The following CHD6 variants were observed in gnomAD, a reference collection of about 807,000 sequenced individuals.
CHD6 encodes ATP-dependent chromatin remodeler CHD6.
A neutral mutation model predicts 276.9 loss-of-function variants in CHD6; 50 were observed. That is an observed-to-expected ratio of 0.18 (90% confidence interval 0.14 to 0.23). The LOEUF (loss-of-function observed/expected upper bound fraction) is 0.23. CHD6 is among the 10% of genes least tolerant of loss of function. CHD6 has a pLI of 1.00. For missense variants in CHD6, 2,564 were observed against 3,365.8 expected, an observed-to-expected ratio of 0.76 and a Z score of 5.89; for synonymous variants, 1,173 against 1,229.3, an observed-to-expected ratio of 0.95 and a Z score of 0.96.
In CHD6 at chr20:41,404,019, TA is replaced by T; in HGVS notation, c.*573del. The T allele has an allele frequency of 9.5e-6, 10 of 1,050,424 alleles. No individual in the cohort carries two copies. Among genetic ancestry groups the T allele is most frequent in the Non-Finnish European group, 1.1e-5 (10 of 869,606 alleles). The allele number at this position is 1,050,424 out of a possible 1,614,324, so 65.1% of individuals were successfully genotyped here. ...CTACCGGTAAGGTTTTTGTTTTTTA[TA>T]AAGAAATGAATATATGTATTTTCAA... On this transcript the variant is annotated 3_prime_UTR_variant, in exon 37 of 37. Transcript: ENST00000373233.
intron 36 of CHD6, among the ~76,000 whole-genome samples, chr20:41,408,913 A>C (rs1397170111): frequency 6.6e-6 from 1 of 152,202 alleles, no homozygotes; most frequent in East Asian, 1.9e-4. Context: ...GCCCCAGAGG[A>C]CCTTTGGCCA....
Position 41,422,097 on chromosome 20 carries a change from T to C in CHD6, c.4556-18A>G, listed in dbSNP as rs777906907. The C allele has an allele frequency of 1.9e-6, 3 of 1,586,766 alleles. No individual in the cohort carries two copies. The highest frequency in any genetic ancestry group is 1.2e-5 in the South Asian group (1 of 86,112). On this transcript the variant is annotated intron_variant, in intron 30 of 36. Transcript: ENST00000373233. ...TGGGGGACCTGGAGAGAAAGGGAAA[T>C]AAAGCCTATCACTGAAGGTGACCTC... is the stretch of plus-strand genomic sequence containing the variant.
chr20:41,478,007 CTT>C (rs1005290785), intron 16 of CHD6, among the ~76,000 whole-genome samples: 2 of 152,204 alleles, frequency 1.3e-5, no homozygotes, highest in Non-Finnish European at 2.9e-5. Context: ...AGCCCTTACT[CTT>C]TCTCACCCCT....
chr20:41,577,915 C>A (rs1267041952), intron 1 of CHD6, among the ~76,000 whole-genome samples: 1 of 152,122 alleles, frequency 6.6e-6, no homozygotes, highest in South Asian at 2.1e-4. Flanking sequence ...CAAAACATGA[C>A]AATCATATAA....
chr20:41,590,353 A>C (rs1264484451), intron 1 of CHD6, among the ~76,000 whole-genome samples: 1 of 152,228 alleles, frequency 6.6e-6, no homozygotes, highest in Non-Finnish European at 1.5e-5. Flanking sequence ...CAAAAGCCAA[A>C]ATTGACAAAT....
chr20:41,593,553 AC>A (rs1366330901), intron 1 of CHD6, among the ~76,000 whole-genome samples: 4 of 151,970 alleles, frequency 2.6e-5, no homozygotes, highest in African/African-American at 9.7e-5. Flanking sequence ...TCTGGTGACA[AC>A]CCCCCAAAAA....
At chr20:41,428,963 G>GTGCT (rs1353738324) in intron 27 of CHD6, among the ~76,000 whole-genome samples, 2 of 152,148 alleles carry the variant, frequency 1.3e-5, no homozygotes, top group Non-Finnish European at 2.9e-5. Context: ...CAAGAAGAAG[G>GTGCT]TGCTTGTTCA....
At chr20:41,432,372 T>G (rs749276741) in intron 27 of CHD6, among the ~76,000 whole-genome samples, 1 of 152,078 alleles carries the variant, frequency 6.6e-6, no homozygotes, top group Non-Finnish European at 1.5e-5. Flanking sequence ...CAGGTGGTAA[T>G]AGGGTACCCC....
intron 5 of CHD6, among the ~76,000 whole-genome samples, chr20:41,509,788 T>C (rs1183109615): frequency 6.6e-6 from 1 of 152,088 alleles, no homozygotes; most frequent in African/African-American, 2.4e-5. Context: ...TGACAAAGAA[T>C]AAGAAAATAA....
In CHD6 at chr20:41,445,687, A is replaced by C; in HGVS notation, c.3855T>G (p.Leu1285=). 1 of 1,612,688 alleles carries C rather than the reference A, an allele frequency of 6.2e-7. No homozygotes were observed. Among genetic ancestry groups the C allele is most frequent in the East Asian group, 2.2e-5 (1 of 44,860 alleles). Residue 1285 remains leucine (L), a synonymous_variant, in exon 25 of 37, where the codon CTT becomes CTG. Transcript: ENST00000373233. ...DWWDAEADKS[L]LIGVFKHGYE... The stretch of plus-strand genomic sequence containing the variant: ...CACCATGCTTGAACACGCCAATGAG[A>C]AGTGACTTATCGGCTTCAGCATCCC...
At chr20:41,591,276 G>C (rs1481610416) in intron 1 of CHD6, among the ~76,000 whole-genome samples, 1 of 150,474 alleles carries the variant, frequency 6.6e-6, no homozygotes, top group Non-Finnish European at 1.5e-5. Flanking sequence ...CGAGTTAATG[G>C]GTACAGCACA....
In CHD6 at chr20:41,445,778, G is replaced by T; in HGVS notation, c.3774-10C>A. 1 of 1,571,694 alleles carries T rather than the reference G, an allele frequency of 6.4e-7. No homozygotes were observed. The highest frequency in any genetic ancestry group is 8.8e-7 in the Non-Finnish European group (1 of 1,141,520). ...AGGTACATCCAGCTCCCTAGGGAAG[G>T]AAGGGTGTAGACTCAAAACAACACA... On this transcript the variant is annotated splice_polypyrimidine_tract_variant and intron_variant, in intron 24 of 36. Coordinates refer to ENST00000373233, the MANE Select transcript of CHD6 (RefSeq NM_032221.5).
At chr20:41,518,412 T>G (rs1031228307) in intron 3 of CHD6, among the ~76,000 whole-genome samples, 3 of 152,170 alleles carry the variant, frequency 2.0e-5, no homozygotes, top group African/African-American at 7.2e-5. Context: ...GACACTTCAC[T>G]AGGAGACTTG....
At chr20:41,496,762 G>GA (rs904029436) in intron 8 of CHD6, 3 of 152,208 alleles carry the variant, frequency 2.0e-5, no homozygotes, top group Admixed American at 6.5e-5. Flanking sequence ...CTCGGCCAAG[G>GA]AAAAACCACT....
intron 19 of CHD6, among the ~76,000 whole-genome samples, chr20:41,455,595 G>T (rs374588609): frequency 1.4e-4 from 22 of 152,136 alleles, no homozygotes; most frequent in Non-Finnish European, 2.6e-4. Flanking sequence ...GTGAGGAGTG[G>T]TATTTTCTTG....
At chr20:41,541,363 C>G (rs2044939324) in intron 2 of CHD6, among the ~76,000 whole-genome samples, 1 of 152,170 alleles carries the variant, frequency 6.6e-6, no homozygotes, top group East Asian at 1.9e-4. Flanking sequence ...GGTGACAAAG[C>G]AGGTACTTTG....
chr20:41,475,111 A>C (rs2043141204), intron 16 of CHD6, among the ~76,000 whole-genome samples: 1 of 152,232 alleles, frequency 6.6e-6, no homozygotes. Flanking sequence ...TTTAATTATC[A>C]CCATTATTCC....
chr20:41,499,401 G>T, intron 5 of CHD6, 44 bp from the exon 6 acceptor site: 1 of 1,449,658 alleles, frequency 6.9e-7, no homozygotes. Context: ...TGGAACCACA[G>T]AATCCAAGAA....
chr20:41,473,450 A>G lies in CHD6; in HGVS notation c.2536T>C (p.Cys846Arg). Residue 846 changes from cysteine to arginine, a missense_variant, in exon 17 of 37, where the codon TGT becomes CGT. Transcript: ENST00000373233. This position sits in a 1 kb window ranked among gnomAD's most constrained non-coding sequence, Gnocchi z 4.1. ...NLRQAAIDRF[C>R]KPDSDRFVFL... ...ACAAAGCGGTCTGAATCTGGCTTACAGAACCGGTCGATGGCTGCCTGGCGC... is the reference window on the plus strand; with the variant it reads ...ACAAAGCGGTCTGAATCTGGCTTACGGAACCGGTCGATGGCTGCCTGGCGC... The G allele has an allele frequency of 6.2e-7, 1 of 1,614,146 alleles. No individual in the cohort carries two copies. Among genetic ancestry groups the G allele is most frequent in the Non-Finnish European group, 8.5e-7 (1 of 1,180,000 alleles).
Sources: allele counts gnomAD v4.1 joint callset (sites outside exome capture counted in the v4.1 genomes callset), GRCh38; gene constraint gnomAD v4.1.1; non-coding constraint Gnocchi (gnomAD v3.1); transcripts MANE v1.5; gene names NCBI Gene and HGNC (gene_info 2026-07-23, HGNC 2026-07-21).